MAP2K5: variants seen among roughly 807,000 people sequenced by gnomAD.
MAP2K5 encodes dual specificity mitogen-activated protein kinase kinase 5.
In MAP2K5, 49 loss-of-function variants were observed where a neutral mutation model predicts 83.1. The observed-to-expected ratio is 0.59, with a 90% confidence interval of 0.47 to 0.75. The LOEUF (loss-of-function observed/expected upper bound fraction) is 0.75. Ranked by LOEUF, MAP2K5 falls within the 30% of genes least tolerant of loss-of-function variation. The pLI, the probability that MAP2K5 is intolerant of heterozygous loss-of-function variation, is 0.00. For synonymous variants in MAP2K5, 202 were observed against 191.8 expected (o/e 1.05, Z -0.44); for missense variants, 457 against 557.5 (o/e 0.82, Z 1.82).
intron 13 of MAP2K5, among the ~76,000 whole-genome samples, chr15:67,683,753 T>G (rs200524660): frequency 9.9e-5 from 5 of 50,454 alleles, no homozygotes; most frequent in Admixed American, 9.1e-4. Context: ...TGAGCAAGAC[T>G]CTGTCTCAAA....
chr15:67,604,567 C>G (rs2085736844), intron 8 of MAP2K5, among the ~76,000 whole-genome samples: 1 of 152,058 alleles, frequency 6.6e-6, no homozygotes, highest in African/African-American at 2.4e-5. Context: ...TGTCTTATGC[C>G]TCAGTTTTCC....
chr15:67,640,635 C>A lies in MAP2K5; in HGVS notation c.586-5596C>A, dbSNP rs1234943810. Reference sequence around the variant, plus strand: ...TTCCAAGCAAAGTGGTCAGTTGGACCCACACTTTGAATGTCTATGGGCACA... The same window carrying A: ...TTCCAAGCAAAGTGGTCAGTTGGACACACACTTTGAATGTCTATGGGCACA... On this transcript the variant is annotated intron_variant, in intron 9 of 21. Transcript: ENST00000178640. The surrounding 1 kb of genome is among the most constrained non-coding windows in gnomAD (Gnocchi z 4.6). The A allele has an allele frequency of 2.0e-6, 2 of 976,146 alleles. No homozygotes were observed. The highest frequency in any genetic ancestry group is 1.1e-4 in the East Asian group (1 of 8,770). 60.5% of individuals were successfully genotyped at this position (976,146 alleles called of 1,614,324 possible).
At chr15:67,797,029 G>A (rs1250204247) in intron 21 of MAP2K5, among the ~76,000 whole-genome samples, 1 of 152,238 alleles carries the variant, frequency 6.6e-6, no homozygotes, top group East Asian at 1.9e-4. Flanking sequence ...TCTGCTAGGT[G>A]ACAGTGTTTC....
chr15:67,627,122 A>AT (rs1567319274), intron 8 of MAP2K5, among the ~76,000 whole-genome samples: 3 of 151,544 alleles, frequency 2.0e-5, no homozygotes, highest in African/African-American at 7.3e-5. Flanking sequence ...TAATTATTTT[A>AT]TTTTTTTTAA....
At position 67,719,169 on chromosome 15, in the gene MAP2K5, T is replaced by C. The variant is rs1227372954; in HGVS notation, c.1045-8747T>C. Among the ~76,000 whole-genome samples the C allele has an allele frequency of 6.6e-6, 1 of 152,160 alleles. No individual in the cohort carries two copies. Among genetic ancestry groups the C allele is most frequent in the Admixed American group, 6.5e-5 (1 of 15,276 alleles). On this transcript the variant is annotated intron_variant, in intron 16 of 21. Transcript: ENST00000178640. This position sits in a 1 kb window ranked among gnomAD's most constrained non-coding sequence, Gnocchi z 4.6. ...CAACCTTTTAATCTTTAATAAGAAA[T>C]AAGTCATCTAAATTCATCATAATGG...
At chr15:67,730,324 C>T (rs1328430172) in intron 17 of MAP2K5, among the ~76,000 whole-genome samples, 2 of 152,178 alleles carry the variant, frequency 1.3e-5, no homozygotes, top group African/African-American at 4.8e-5. Context: ...CACGTTATGT[C>T]ATTTGAACTC....
intron 11 of MAP2K5, among the ~76,000 whole-genome samples, chr15:67,647,802 G>A (rs1470822311): frequency 6.6e-6 from 1 of 152,042 alleles, no homozygotes; most frequent in Non-Finnish European, 1.5e-5. Flanking sequence ...CTGGGAGGTG[G>A]AGGTTGCAGT....
rs1256239781 is a variant in MAP2K5 at position 67,552,942 on chromosome 15, T to C, written c.184+2860T>C. ...CATATATTCTGGTTGTTCTTAAGCA[T>C]GGTAAAAAGAAGTTTACTTTGTACT... On this transcript the variant is annotated intron_variant, in intron 2 of 21. Transcript: ENST00000178640. The surrounding 1 kb of genome is among the most constrained non-coding windows in gnomAD (Gnocchi z 4.2). Among the ~76,000 whole-genome samples the C allele has an allele frequency of 6.6e-6, 1 of 152,198 alleles. No individual in the cohort carries two copies.
At chr15:67,766,741 TC>T (rs1288448919) in intron 19 of MAP2K5, among the ~76,000 whole-genome samples, 1 of 152,206 alleles carries the variant, frequency 6.6e-6, no homozygotes, top group Non-Finnish European at 1.5e-5. Context: ...TACTGTCAAG[TC>T]CTGCAGTGCA....
chr15:67,605,573 G>A (rs2085761753), intron 8 of MAP2K5, among the ~76,000 whole-genome samples: 1 of 152,000 alleles, frequency 6.6e-6, no homozygotes, highest in Non-Finnish European at 1.5e-5. Context: ...ATTGCTATAG[G>A]ACAGCTGGGT....
Position 67,777,264 on chromosome 15 carries a change from C to A in MAP2K5, c.1242+4512C>A, listed in dbSNP as rs944097340. 6.6e-6 allele frequency among the ~76,000 whole-genome samples: 1 copy of A among 152,144 alleles called. No homozygotes were observed. On this transcript the variant is annotated intron_variant, in intron 21 of 21. Coordinates refer to ENST00000178640, the MANE Select transcript of MAP2K5 (RefSeq NM_145160.3). The surrounding 1 kb of genome is among the most constrained non-coding windows in gnomAD (Gnocchi z 6.0). ...GCCTGATTGTGGGCCTTAACTTGAA[C>A]GGGGAAGGTGTGGGCTGTGGGCACC...
At chr15:67,771,915 T>C (rs1054009007) in intron 20 of MAP2K5, among the ~76,000 whole-genome samples, 1 of 152,098 alleles carries the variant, frequency 6.6e-6, no homozygotes, top group African/African-American at 2.4e-5. Flanking sequence ...ACACTCTGAG[T>C]TTAGAACAAA....
intron 16 of MAP2K5, among the ~76,000 whole-genome samples, chr15:67,723,842 C>T (rs1373903587): frequency 6.6e-6 from 1 of 151,626 alleles, no homozygotes; most frequent in Non-Finnish European, 1.5e-5. Context: ...TGGCATAGGC[C>T]TAATCTATTT....
At chr15:67,564,691 G>A (rs534352609) in intron 3 of MAP2K5, among the ~76,000 whole-genome samples, 1 of 152,178 alleles carries the variant, frequency 6.6e-6, no homozygotes, top group Non-Finnish European at 1.5e-5. Context: ...GGCAGAGTAG[G>A]ATTGTCTGCT....
rs1377554539 is a variant in MAP2K5 at position 67,770,145 on chromosome 15, A to G, written c.1196+482A>G. ...AATACAATACTGGGGTACCATTTCA[A>G]TGAATTTTGACATTTGGAAGACTAT... On this transcript the variant is annotated intron_variant, in intron 20 of 21. Coordinates refer to ENST00000178640, the MANE Select transcript of MAP2K5 (RefSeq NM_145160.3). This position sits in a 1 kb window ranked among gnomAD's most constrained non-coding sequence, Gnocchi z 5.0. Among the ~76,000 whole-genome samples, 12 of 152,310 alleles carry G rather than the reference A, an allele frequency of 7.9e-5. No homozygotes were observed. In the East Asian group the frequency reaches 2.1e-3, roughly 27 times the overall value.
rs1309070740 is a variant in MAP2K5 at position 67,719,374 on chromosome 15, C to T, written c.1045-8542C>T. On this transcript the variant is annotated intron_variant, in intron 16 of 21. Coordinates refer to ENST00000178640, the MANE Select transcript of MAP2K5 (RefSeq NM_145160.3). This position sits in a 1 kb window ranked among gnomAD's most constrained non-coding sequence, Gnocchi z 4.6. Reference sequence around the variant, plus strand: ...AGGTTGACCAGTCTCCAGGAGAGATCAGCATCAGGGGATATATCATAATCA... The same window carrying T: ...AGGTTGACCAGTCTCCAGGAGAGATTAGCATCAGGGGATATATCATAATCA... Among the ~76,000 whole-genome samples the T allele has an allele frequency of 1.3e-5, 2 of 152,146 alleles. No individual in the cohort carries two copies. Among genetic ancestry groups the T allele is most frequent in the African/African-American group, 4.8e-5 (2 of 41,418 alleles).
At chr15:67,694,025 G>T (rs914455630) in intron 15 of MAP2K5, among the ~76,000 whole-genome samples, 79 of 151,932 alleles carry the variant, frequency 5.2e-4, no homozygotes, top group African/African-American at 1.9e-3. Context: ...AAGGTTTAGG[G>T]GGCAGTTTTC....
chr15:67,796,650 A>G (rs546237477), intron 21 of MAP2K5, among the ~76,000 whole-genome samples: 13 of 152,308 alleles, frequency 8.5e-5, no homozygotes, highest in African/African-American at 3.1e-4. Context: ...TATCCAAACT[A>G]TTTAACATAT....
At chr15:67,605,315 A>G (rs1351451867) in intron 8 of MAP2K5, among the ~76,000 whole-genome samples, 2 of 151,868 alleles carry the variant, frequency 1.3e-5, no homozygotes, top group Admixed American at 6.6e-5. Context: ...GGCCTCCCAA[A>G]GTGCTGGGAT....
Sources: gnomAD v4.1 joint callset for allele counts (sites outside exome capture counted in the v4.1 genomes callset) on GRCh38, gnomAD v4.1.1 for gene constraint, Gnocchi (gnomAD v3.1) non-coding constraint, MANE v1.5 for transcripts, NCBI Gene and HGNC (gene_info 2026-07-23, HGNC 2026-07-21) for gene names.